Variants in HOMER2 observed in about 807,000 individuals in gnomAD.
HOMER2 encodes homer protein homolog 2.
HOMER2 carries 27 observed loss-of-function variants against 47.0 expected under a neutral mutation model. The observed-to-expected ratio is 0.57, with a 90% CI of 0.42 to 0.79. The LOEUF is 0.79. HOMER2 is among the 30% of genes least tolerant of loss of function. The pLI is 0.00. For synonymous variants in HOMER2, 161 were observed against 163.8 expected (o/e 0.98, Z 0.13); for missense variants, 443 against 435.0 (o/e 1.02, Z -0.16).
At chr15:82,919,873 G>A (rs144679762) in intron 1 of HOMER2, among the ~76,000 whole-genome samples, 164 of 152,236 alleles carry the variant, frequency 1.1e-3, no homozygotes, top group African/African-American at 3.7e-3. Context: ...GGTATCTTTC[G>A]TGCACTTCAT....
intron 3 of HOMER2, among the ~76,000 whole-genome samples, chr15:82,870,874 C>T (rs910768506): frequency 6.6e-6 from 1 of 152,182 alleles, no homozygotes; most frequent in African/African-American, 2.4e-5. Flanking sequence ...TGGGTCGCTC[C>T]CCATTAAGGG....
intron 3 of HOMER2, among the ~76,000 whole-genome samples, chr15:82,869,297 A>G (rs955741442): frequency 6.6e-6 from 1 of 152,056 alleles, no homozygotes; most frequent in African/African-American, 2.4e-5. Flanking sequence ...AGAACAAACC[A>G]CATAATCTTC....
chr15:82,927,647 G>A (rs1567059263), intron 1 of HOMER2, among the ~76,000 whole-genome samples: 3 of 152,164 alleles, frequency 2.0e-5, no homozygotes, highest in African/African-American at 7.2e-5. Context: ...AGTTAACTGC[G>A]TGAATGGAGG....
chr15:82,901,040 A>C (rs538872933), intron 1 of HOMER2, among the ~76,000 whole-genome samples: 1 of 152,278 alleles, frequency 6.6e-6, no homozygotes, highest in South Asian at 2.1e-4. Context: ...AGAGTGTCTG[A>C]CAGTTTTTAA....
chr15:82,978,823 C>A (rs905475173), intron 1 of HOMER2, among the ~76,000 whole-genome samples: 3 of 152,138 alleles, frequency 2.0e-5, no homozygotes, highest in South Asian at 2.1e-4. Context: ...TGGGTTCAAG[C>A]GATTCTCCTG....
At chr15:82,874,065 G>C (rs1332562026) in intron 3 of HOMER2, among the ~76,000 whole-genome samples, 1 of 152,122 alleles carries the variant, frequency 6.6e-6, no homozygotes, top group Non-Finnish European at 1.5e-5. Context: ...TCTGTTCTAG[G>C]CAACTCTGTC....
intron 1 of HOMER2, 110 bp from the exon 2 acceptor site, chr15:82,892,951 C>T (rs958021868): frequency 3.5e-5 from 26 of 745,936 alleles, no homozygotes; most frequent in Non-Finnish European, 3.9e-5. Flanking sequence ...TATAGGGAAA[C>T]ATACATATGC....
At chr15:82,914,178 TACACACACACAC>T (rs58323062) in intron 1 of HOMER2, among the ~76,000 whole-genome samples, 1,735 of 116,796 alleles carry the variant, frequency 0.015, 11 homozygotes, top group Non-Finnish European at 0.019. Flanking sequence ...CTACTAAAAA[TACACACACACAC>T]ACACACACAC....
chr15:82,868,545 T>A (rs192616590), intron 3 of HOMER2, among the ~76,000 whole-genome samples: 6,098 of 27,980 alleles, frequency 0.22, 518 homozygotes, highest in East Asian at 0.43. Flanking sequence ...ATATATATTT[T>A]TTTTTTTTTT....
At chr15:82,917,962 G>A (rs1274575723) in intron 1 of HOMER2, among the ~76,000 whole-genome samples, 1 of 152,150 alleles carries the variant, frequency 6.6e-6, no homozygotes, top group Non-Finnish European at 1.5e-5. Flanking sequence ...GACTGCTGCT[G>A]AGACTAGAGC....
downstream of HOMER2, chr15:82,845,218 TCACACACACACA>T (rs33974319): frequency 0.2 from 29,667 of 145,960 alleles, 3,221 homozygotes; most frequent in Non-Finnish European, 0.26. Context: ...TGCTGTTTCT[TCACACACACACA>T]CACACACACA....
chr15:82,940,240 G>T (rs1446280777), intron 1 of HOMER2, among the ~76,000 whole-genome samples: 1 of 152,102 alleles, frequency 6.6e-6, no homozygotes, highest in East Asian at 1.9e-4. Context: ...AAGAAAATGG[G>T]GAGGTTGTTG....
chr15:82,860,439 C>T (rs2051737847), intron 4 of HOMER2, among the ~76,000 whole-genome samples: 1 of 151,880 alleles, frequency 6.6e-6, no homozygotes, highest in Non-Finnish European at 1.5e-5. Context: ...TTAAAGCTGA[C>T]CTATGGGTAC....
chr15:82,882,708 C>A (rs925249959), intron 2 of HOMER2, among the ~76,000 whole-genome samples: 1 of 152,186 alleles, frequency 6.6e-6, no homozygotes, highest in African/African-American at 2.4e-5. Flanking sequence ...CATGCTTGGA[C>A]AGGGCAGAGG....
chr15:82,932,803 C>A (rs1016628189), intron 1 of HOMER2, among the ~76,000 whole-genome samples: 2 of 152,186 alleles, frequency 1.3e-5, no homozygotes, highest in Non-Finnish European at 2.9e-5. Flanking sequence ...TTGGACAAAG[C>A]TTTTGGCGGC....
chr15:82,905,609 T>C (rs1032700973), intron 1 of HOMER2, among the ~76,000 whole-genome samples: 2 of 152,054 alleles, frequency 1.3e-5, no homozygotes, highest in African/African-American at 4.8e-5. Context: ...GGAACAAAGA[T>C]AAGAATGACA....
chr15:82,932,307 C>T (rs1567061996), intron 1 of HOMER2, among the ~76,000 whole-genome samples: 1 of 152,124 alleles, frequency 6.6e-6, no homozygotes, highest in African/African-American at 2.4e-5. Flanking sequence ...CTAGCATGGC[C>T]AACATGGCAA....
chr15:82,878,398 C>T (rs1453093465), intron 2 of HOMER2, among the ~76,000 whole-genome samples: 1 of 152,234 alleles, frequency 6.6e-6, no homozygotes, highest in East Asian at 1.9e-4. Context: ...TGTTCAAGGT[C>T]ATAAAACTAA....
intron 1 of HOMER2, among the ~76,000 whole-genome samples, chr15:82,897,482 C>G (rs2052972732): frequency 6.6e-6 from 1 of 152,126 alleles, no homozygotes; most frequent in Non-Finnish European, 1.5e-5. Context: ...CTGGTGACCC[C>G]CACCTCCTAG....
Sources: gnomAD v4.1 joint callset for allele counts (sites outside exome capture counted in the v4.1 genomes callset) on GRCh38, gnomAD v4.1.1 for gene constraint, MANE v1.5 for transcripts, NCBI Gene and HGNC (gene_info 2026-07-23, HGNC 2026-07-21) for gene names.